ENPP6: variants seen among roughly 807,000 people sequenced by gnomAD.
The protein encoded by ENPP6 is ectonucleotide pyrophosphatase/phosphodiesterase 6.
A neutral mutation model predicts 42.0 loss-of-function variants in ENPP6; 32 were observed. The ratio of observed to expected loss-of-function variants is 0.76; its 90% confidence interval spans 0.58 to 1.02. The LOEUF is 1.02. Ranked by LOEUF, ENPP6 falls within the 50% of genes least tolerant of loss-of-function variation. The pLI is 0.00. For missense variants in ENPP6, 552 were observed against 566.8 expected (o/e 0.97, Z 0.27); for synonymous variants, 213 against 216.0 (o/e 0.99, Z 0.12).
chr4:184,132,143 A>G (rs1736647977), intron 2 of ENPP6, among the ~76,000 whole-genome samples: 1 of 152,180 alleles, frequency 6.6e-6, no homozygotes, highest in Non-Finnish European at 1.5e-5. Context: ...TACTGAGTCC[A>G]CTGATGCAAA....
intron 6 of ENPP6, among the ~76,000 whole-genome samples, chr4:184,098,384 C>A (rs939842560): frequency 1.3e-5 from 2 of 152,184 alleles, no homozygotes; most frequent in Non-Finnish European, 2.9e-5. Context: ...CTTAGGGAAC[C>A]AGTATCTATC....
chr4:184,123,736 T>C (rs918437307), intron 3 of ENPP6, among the ~76,000 whole-genome samples: 3 of 152,192 alleles, frequency 2.0e-5, no homozygotes, highest in African/African-American at 7.2e-5. Flanking sequence ...AATATACCCA[T>C]GCATTTTGTA....
At chr4:184,194,147 C>G (rs1732756056) in intron 1 of ENPP6, among the ~76,000 whole-genome samples, 1 of 152,194 alleles carries the variant, frequency 6.6e-6, no homozygotes, top group Admixed American at 6.5e-5. Context: ...AGATGATTTC[C>G]CACTCCTCGG....
chr4:184,113,148 A>C (rs1736231682), intron 5 of ENPP6, among the ~76,000 whole-genome samples: 1 of 152,186 alleles, frequency 6.6e-6, no homozygotes, highest in Non-Finnish European at 1.5e-5. Context: ...GGGGAGAGAA[A>C]GAATTCATGG....
chr4:184,179,115 T>A (rs977831448), intron 1 of ENPP6, among the ~76,000 whole-genome samples: 1 of 152,230 alleles, frequency 6.6e-6, no homozygotes, highest in Non-Finnish European at 1.5e-5. Context: ...ATTGGCATGT[T>A]GTGTTCAAGA....
At chr4:184,137,785 T>C (rs901256422) in intron 2 of ENPP6, among the ~76,000 whole-genome samples, 1 of 152,234 alleles carries the variant, frequency 6.6e-6, no homozygotes, top group Admixed American at 6.5e-5. Flanking sequence ...ACTCCAATTT[T>C]TGTCCTTTCC....
intron 1 of ENPP6, among the ~76,000 whole-genome samples, chr4:184,206,010 C>G (rs991422144): frequency 1.3e-5 from 2 of 152,120 alleles, no homozygotes; most frequent in Admixed American, 6.5e-5. Context: ...CTGTTCCAAA[C>G]AGAAGCTTCG....
chr4:184,104,750 A>G (rs1454644840), intron 6 of ENPP6, among the ~76,000 whole-genome samples: 2 of 152,344 alleles, frequency 1.3e-5, no homozygotes, highest in South Asian at 2.1e-4. Flanking sequence ...GTAGTCAGGA[A>G]TCAACTGTCT....
At chr4:184,185,623 AAAG>A (rs1434238940) in intron 1 of ENPP6, among the ~76,000 whole-genome samples, 1 of 152,238 alleles carries the variant, frequency 6.6e-6, no homozygotes, top group Non-Finnish European at 1.5e-5. Context: ...TCTTGACAAA[AAAG>A]GTTTAACTTG....
intron 1 of ENPP6, among the ~76,000 whole-genome samples, chr4:184,163,460 C>A (rs900464633): frequency 2.6e-5 from 4 of 152,178 alleles, no homozygotes; most frequent in Non-Finnish European, 5.9e-5. Flanking sequence ...TCACACTTCA[C>A]TTTCCATGAC....
Position 184,091,272 on chromosome 4 carries a change from C to T in ENPP6, c.1228G>A (p.Val410Met), listed in dbSNP as rs187347918. 542 of 1,613,542 alleles carry T rather than the reference C, an allele frequency of 3.4e-4. 3 individuals are homozygous for T. In the East Asian group the frequency reaches 8.4e-3, roughly 25 times the overall value. ...GCGCGGCCCTTCAGCATGCACATCA[C>T]CCTGGACCAGGATCCGTTGTTGGGC... ...PLPNNGSWSR[V>M]MCMLKGRAST... The change falls in exon 8 of 8, where the codon GTG (valine) becomes ATG (methionine). Residue 410 changes from valine (V) to methionine (M), a missense_variant. This residue lies in a region of ENPP6 where 545 missense variants were observed against 546.3 expected (regional missense o/e 1.00). Coordinates refer to ENST00000296741, the MANE Select transcript of ENPP6 (RefSeq NM_153343.4).
intron 1 of ENPP6, among the ~76,000 whole-genome samples, chr4:184,158,335 C>A (rs1336207819): frequency 6.6e-6 from 1 of 152,074 alleles, no homozygotes; most frequent in Non-Finnish European, 1.5e-5. Context: ...CATCCCTTTG[C>A]ATGGCAGTGT....
intron 1 of ENPP6, among the ~76,000 whole-genome samples, chr4:184,191,722 C>T (rs1732714892): frequency 6.6e-6 from 1 of 152,204 alleles, no homozygotes; most frequent in Admixed American, 6.5e-5. Context: ...GAAGAAGTAA[C>T]TGCCTTTATC....
At chr4:184,215,161 C>T (rs1478179058) in intron 1 of ENPP6, among the ~76,000 whole-genome samples, 1 of 152,208 alleles carries the variant, frequency 6.6e-6, no homozygotes, top group Non-Finnish European at 1.5e-5. Flanking sequence ...TTTCCAACAA[C>T]TCATCACTCC....
intron 7 of ENPP6, among the ~76,000 whole-genome samples, chr4:184,094,542 A>C (rs534675150): frequency 1.8e-4 from 28 of 152,274 alleles, no homozygotes; most frequent in Non-Finnish European, 1.0e-4. Flanking sequence ...AAATTCCTGA[A>C]GAGCAAAACA....
In ENPP6 at chr4:184,112,804, A is replaced by T. The variant is rs777964667; in HGVS notation, c.861T>A (p.Tyr287Ter). The T allele has an allele frequency of 1.9e-6, 3 of 1,612,446 alleles. No individual in the cohort carries two copies. Among genetic ancestry groups the T allele is most frequent in the South Asian group, 1.1e-5 (1 of 90,446 alleles). Residue 287 changes from tyrosine to a stop codon, truncating the protein, a stop_gained, in exon 6 of 8, where the codon TAT (tyrosine) becomes TAA (stop). Coordinates refer to ENST00000296741, the MANE Select transcript of ENPP6 (RefSeq NM_153343.4). LOFTEE classifies it high-confidence loss of function. ...WPAPGKHSEI[Y>*]NKLSTVEHMT... ...TGTGTTCCACTGTGCTCAGTTTGTT[A>T]TATATCTGCAAAGAAAATCAAGAGT...
At chr4:184,130,552 CAA>C (rs781128316) in intron 2 of ENPP6, among the ~76,000 whole-genome samples, 3 of 63,698 alleles carry the variant, frequency 4.7e-5, no homozygotes, top group South Asian at 5.4e-4. Context: ...AGCGAGACTC[CAA>C]ATCAAACAAA....
chr4:184,119,110 G>C (rs1404704828), intron 3 of ENPP6, among the ~76,000 whole-genome samples: 1 of 152,234 alleles, frequency 6.6e-6, no homozygotes, highest in East Asian at 1.9e-4. Flanking sequence ...AAGCTTGCTT[G>C]AGTCACCAGA....
At chr4:184,185,037 TAATC>T (rs1732608518) in intron 1 of ENPP6, among the ~76,000 whole-genome samples, 1 of 152,178 alleles carries the variant, frequency 6.6e-6, no homozygotes, top group African/African-American at 2.4e-5. Flanking sequence ...TTATGAGAGA[TAATC>T]AAAGAATTTT....
Sources: allele counts gnomAD v4.1 joint callset (sites outside exome capture counted in the v4.1 genomes callset), GRCh38; gene constraint gnomAD v4.1.1; regional missense constraint gnomAD v4.1.1; transcripts MANE v1.5; gene names NCBI Gene and HGNC (gene_info 2026-07-23, HGNC 2026-07-21).